Variants in WDR12 observed in about 807,000 individuals in gnomAD.
WDR12 encodes the protein WD repeat domain 12, also known as ribosome biogenesis protein WDR12.
Under a neutral mutation model 64.3 loss-of-function variants are expected in WDR12, and 42 were observed. That is an observed-to-expected ratio of 0.65 (90% CI 0.51 to 0.84). The LOEUF (loss-of-function observed/expected upper bound fraction) is 0.84, where lower values mean the gene tolerates loss of function less well. Ranked by LOEUF, WDR12 falls within the 40% of genes least tolerant of loss-of-function variation. The probability of loss-of-function intolerance (pLI) is 0.00; values close to 1 mark genes in which losing one functional copy is unlikely to be tolerated. For missense variants in WDR12, 469 were observed against 494.6 expected (o/e 0.95, Z 0.49); for synonymous variants, 158 against 173.3 (o/e 0.91, Z 0.70).
intron 2 of WDR12, among the ~76,000 whole-genome samples, chr2:202,903,666 A>G (rs1439285308): frequency 6.6e-6 from 1 of 152,228 alleles, no homozygotes; most frequent in East Asian, 1.9e-4. Context: ...TAGGACTGAT[A>G]AATTCAGTAA....
At chr2:202,882,815 C>G (rs1438408883) in intron 11 of WDR12, 32 bp from the exon 12 acceptor site, 1 of 1,592,166 alleles carries the variant, frequency 6.3e-7, no homozygotes, top group Admixed American at 1.7e-5. Context: ...ATATTATATG[C>G]ATTCACAGTG....
chr2:202,911,620 T>A lies in WDR12; in HGVS notation c.-144A>T. On this transcript the variant is annotated 5_prime_UTR_variant, in exon 1 of 13. Transcript: ENST00000261015. ...GAGGAACTGCAGTCTAAGCCTGGAC[T>A]CTGCCTTCTGCCCTCCGGTCTCCTC... 2 of 743,004 alleles carry A rather than the reference T, an allele frequency of 2.7e-6. No homozygotes were observed. Among genetic ancestry groups the A allele is most frequent in the Non-Finnish European group, 4.8e-6 (2 of 420,674 alleles). The allele number at this position is 743,004 out of a possible 1,614,324, so 46.0% of individuals were successfully genotyped here. A position where few individuals can be genotyped will look rare whatever the true frequency, so the allele number is the denominator to read the frequency against.
At position 202,896,129 on chromosome 2, in the gene WDR12, AGG is replaced by A; in HGVS notation, c.543_544del (p.Leu182ThrfsTer4). On this transcript the variant is annotated frameshift_variant, in exon 6 of 13. Transcript: ENST00000261015. LOFTEE classifies it high-confidence loss of function. ...TCCAGCATGACCTCTACAGCAGTGT[AGG>A]GCTTTCACTTTGTTTCTCTCTACAT... The A allele has an allele frequency of 6.2e-7, 1 of 1,614,142 alleles. No homozygotes were observed.
intron 12 of WDR12, among the ~76,000 whole-genome samples, chr2:202,881,735 A>G (rs1225056574): frequency 1.3e-5 from 2 of 152,016 alleles, no homozygotes; most frequent in Non-Finnish European, 2.9e-5. Context: ...TCTAAAAATA[A>G]ATAAAGAAGA....
chr2:202,896,405 G>A lies in WDR12; in HGVS notation c.455-186C>T, dbSNP rs144675072. On this transcript the variant is annotated intron_variant, in intron 5 of 12. Transcript: ENST00000261015. The stretch of plus-strand genomic sequence containing the variant: ...AAAAGATTCTTCAAAAATAGATGAC[G>A]ATGACTGGGTGTGGTGGCTCACGCC... Among the ~76,000 whole-genome samples, 368 of 152,234 alleles carry A rather than the reference G, an allele frequency of 2.4e-3. 1 individual carries two copies. The highest frequency in any genetic ancestry group is 3.9e-3 in the Non-Finnish European group (266 of 68,008).
Position 202,878,718 on chromosome 2 carries a change from G to A in WDR12, c.*2142C>T, listed in dbSNP as rs1168063831. The A allele has an allele frequency of 4.0e-5, 5 of 126,522 alleles. No homozygotes were observed. Among genetic ancestry groups the A allele is most frequent in the African/African-American group, 1.0e-4 (4 of 38,728 alleles). 7.8% of individuals were successfully genotyped at this position (126,522 alleles called of 1,614,324 possible). A position where few individuals can be genotyped will look rare whatever the true frequency, so the allele number is the denominator to read the frequency against. On this transcript the variant is annotated 3_prime_UTR_variant, in exon 13 of 13. Coordinates refer to ENST00000261015, the MANE Select transcript of WDR12 (RefSeq NM_018256.4). The stretch of plus-strand genomic sequence containing the variant: ...TGCAGCCAAGTTTAGATATTGTTTC[G>A]CAGACTTCTGCAACAGGAACATCAT...
At position 202,907,853 on chromosome 2, in the gene WDR12, A is replaced by G. The variant is rs373581296; in HGVS notation, c.136+12T>C. 2 of 1,602,300 alleles carry G rather than the reference A, an allele frequency of 1.2e-6. No individual in the cohort carries two copies. The highest frequency in any genetic ancestry group is 1.7e-6 in the Non-Finnish European group (2 of 1,169,806). ...AGGGACACTGTGCCCTCTCCTAAGC[A>G]TATATACCCACCATTTTTGTCCTTT... On this transcript the variant is annotated intron_variant, in intron 2 of 12. Coordinates refer to ENST00000261015, the MANE Select transcript of WDR12 (RefSeq NM_018256.4).
chr2:202,894,538 AAAC>A (rs745953662), intron 7 of WDR12, 40 bp downstream of exon 7: 96 of 1,541,496 alleles, frequency 6.2e-5, no homozygotes, highest in Non-Finnish European at 7.8e-5. Flanking sequence ...TAAATTTTTG[AAAC>A]AACATTATTA....
intron 11 of WDR12, chr2:202,883,398 AG>A (rs1182605706): frequency 1.6e-5 from 7 of 448,102 alleles, no homozygotes; most frequent in Non-Finnish European, 4.0e-6. Context: ...AGCCTTCCAA[AG>A]TGCTGGGATT....
intron 12 of WDR12, among the ~76,000 whole-genome samples, chr2:202,881,843 C>A (rs1158864103): frequency 1.3e-5 from 2 of 151,966 alleles, no homozygotes; most frequent in Non-Finnish European, 2.9e-5. Flanking sequence ...AATAAAGGAC[C>A]TTGTTTCTTA....
chr2:202,903,492 G>T (rs1335806863), intron 2 of WDR12, among the ~76,000 whole-genome samples: 110 of 91,484 alleles, frequency 1.2e-3, no homozygotes, highest in African/African-American at 4.0e-3. Flanking sequence ...AGGAAGGAAG[G>T]AAGGAAGGAA....
chr2:202,880,000 C>CCAT lies in WDR12; in HGVS notation c.*859_*860insATG, dbSNP rs755490998. The CCAT allele has an allele frequency of 6.6e-6, 1 of 152,066 alleles. No individual in the cohort carries two copies. Among genetic ancestry groups the CCAT allele is most frequent in the Non-Finnish European group, 1.5e-5 (1 of 68,066 alleles). 9.4% of individuals were successfully genotyped at this position (152,066 alleles called of 1,614,324 possible). A position where few individuals can be genotyped will look rare whatever the true frequency, so the allele number is the denominator to read the frequency against. On this transcript the variant is annotated 3_prime_UTR_variant, in exon 13 of 13. Transcript: ENST00000261015. ...CAGGTGATCCACCTGCCTCGGCCTC[C>CCAT]CAATGTGCTGGGATTACAGGTGTGA...
At chr2:202,908,030 A>G (rs1574412519) in intron 1 of WDR12, 71 bp from the exon 2 acceptor site, 2 of 1,374,494 alleles carry the variant, frequency 1.5e-6, no homozygotes, top group South Asian at 2.4e-5. Flanking sequence ...TACGAATTCA[A>G]CATACATTTA....
chr2:202,894,448 G>A (rs1401928829), intron 7 of WDR12, 133 bp downstream of exon 7: 8 of 655,570 alleles, frequency 1.2e-5, no homozygotes, highest in Admixed American at 3.5e-5. Context: ...TCTTGAACTC[G>A]TGGCCTCAAG....
intron 11 of WDR12, 44 bp from the exon 12 acceptor site, chr2:202,882,827 T>G: frequency 6.3e-7 from 1 of 1,578,974 alleles, no homozygotes; most frequent in Non-Finnish European, 8.7e-7. Flanking sequence ...TTCACAGTGT[T>G]AAAACAAACA....
Position 202,882,752 on chromosome 2 carries a change from G to A in WDR12, c.1153C>T (p.His385Tyr), listed in dbSNP as rs772824158. Residue 385 changes from histidine (H) to tyrosine (Y), a missense_variant, in exon 12 of 13, where the codon CAT (histidine) becomes TAT (tyrosine). Coordinates refer to ENST00000261015, the MANE Select transcript of WDR12 (RefSeq NM_018256.4). ...CKAPLYDLAA[H>Y]EDKVLSVDWT... ...TCTACACTCAGAACTTTGTCTTCAT[G>A]AGCAGCCAGATCATAGAGAGGAGCC... 3 of 1,614,024 alleles carry A rather than the reference G, an allele frequency of 1.9e-6. No homozygotes were observed. Among genetic ancestry groups the A allele is most frequent in the South Asian group, 2.2e-5 (2 of 91,072 alleles).
chr2:202,911,366 C>G, intron 1 of WDR12, 70 bp downstream of exon 1: 1 of 1,491,050 alleles, frequency 6.7e-7, no homozygotes, highest in Admixed American at 1.7e-5. Flanking sequence ...CAGGGATCCA[C>G]AAGGTCATAC....
chr2:202,892,559 C>T, intron 8 of WDR12, 58 bp downstream of exon 8: 2 of 1,157,088 alleles, frequency 1.7e-6, no homozygotes, highest in Non-Finnish European at 2.5e-6. Flanking sequence ...TATTAAATTA[C>T]CATCTATTTG....
At chr2:202,888,857 T>C (rs1309392936) in intron 8 of WDR12, among the ~76,000 whole-genome samples, 1 of 152,088 alleles carries the variant, frequency 6.6e-6, no homozygotes, top group Admixed American at 6.6e-5. Flanking sequence ...GGAATACAGA[T>C]GCACACTACC....
Sources: gnomAD v4.1 joint callset for allele counts (sites outside exome capture counted in the v4.1 genomes callset) on GRCh38, gnomAD v4.1.1 for gene constraint, MANE v1.5 for transcripts, NCBI Gene and HGNC (gene_info 2026-07-23, HGNC 2026-07-21) for gene names.